Variants in CNTN1 observed in about 807,000 individuals in gnomAD.
CNTN1 encodes the protein contactin 1.
Under a neutral mutation model 126.4 loss-of-function variants are expected in CNTN1, and 38 were observed. That is an observed-to-expected ratio of 0.30 (90% CI 0.23 to 0.39). The LOEUF is 0.39. Among genes scored for constraint, CNTN1 ranks in the 10% least tolerant of loss-of-function variants. The probability of loss-of-function intolerance (pLI) is 1.00; values close to 1 mark genes in which losing one functional copy is unlikely to be tolerated. For missense variants in CNTN1, 1,009 were observed against 1,248.4 expected, an observed-to-expected ratio of 0.81 and a Z score of 2.89; for synonymous variants, 413 against 422.6, an observed-to-expected ratio of 0.98 and a Z score of 0.28.
At position 41,027,984 on chromosome 12, in the gene CNTN1, T is replaced by C. The variant is rs749642829; in HGVS notation, c.2823+15T>C. The C allele has an allele frequency of 2.0e-6, 3 of 1,483,414 alleles. No individual in the cohort carries two copies. The African/African-American group carries it at 4.2e-5, about 21-fold the overall frequency. 91.9% of individuals were successfully genotyped at this position (1,483,414 alleles called of 1,614,324 possible). On this transcript the variant is annotated intron_variant, in intron 22 of 23. Transcript: ENST00000551295. The stretch of plus-strand genomic sequence containing the variant: ...CGGGATATAAGGTATATACAAATAG[T>C]GATGATTAATGTTTGCAATTCTTGC...
chr12:40,745,826 G>T (rs551008839), intron 1 of CNTN1, among the ~76,000 whole-genome samples: 21 of 152,198 alleles, frequency 1.4e-4, no homozygotes, highest in Non-Finnish European at 2.9e-4. Context: ...TCTGTCATGT[G>T]ATGTTATGCC....
At chr12:41,046,017 A>C (rs949627637) in intron 23 of CNTN1, among the ~76,000 whole-genome samples, 3 of 152,138 alleles carry the variant, frequency 2.0e-5, no homozygotes, top group Non-Finnish European at 2.9e-5. Context: ...GGTGTGGCAG[A>C]GTACAGAGAC....
chr12:40,895,771 T>G (rs1156765797), intron 1 of CNTN1, among the ~76,000 whole-genome samples: 32 of 150,488 alleles, frequency 2.1e-4, no homozygotes, highest in Non-Finnish European at 1.6e-4. Flanking sequence ...TTTTTTTTTT[T>G]TTTTGAGACG....
intron 23 of CNTN1, among the ~76,000 whole-genome samples, chr12:41,063,555 A>G (rs1461479841): frequency 6.6e-6 from 1 of 152,202 alleles, no homozygotes; most frequent in African/African-American, 2.4e-5. Context: ...TCCTGGATCC[A>G]CACAGCCCTT....
At chr12:40,954,824 A>C (rs1946815186) in intron 14 of CNTN1, among the ~76,000 whole-genome samples, 1 of 152,162 alleles carries the variant, frequency 6.6e-6, no homozygotes, top group African/African-American at 2.4e-5. Context: ...CTCCCCGTGC[A>C]GTTAAAATGC....
At chr12:40,771,434 T>G (rs1473931325) in intron 1 of CNTN1, among the ~76,000 whole-genome samples, 3 of 152,106 alleles carry the variant, frequency 2.0e-5, no homozygotes, top group Non-Finnish European at 2.9e-5. Flanking sequence ...TTTATTTCTT[T>G]TATAATGTTG....
intron 20 of CNTN1, among the ~76,000 whole-genome samples, chr12:41,023,623 CA>C (rs1412313689): frequency 3.3e-5 from 5 of 152,092 alleles, no homozygotes; most frequent in African/African-American, 9.7e-5. Context: ...ATAATGAATG[CA>C]AAAACTTTAG....
intron 17 of CNTN1, among the ~76,000 whole-genome samples, chr12:41,011,558 T>C (rs1418824178): frequency 1.3e-5 from 2 of 152,244 alleles, no homozygotes; most frequent in Non-Finnish European, 1.5e-5. Flanking sequence ...TTAAATGTGC[T>C]GCCCATGGTT....
At chr12:40,828,370 G>A (rs942649920) in intron 1 of CNTN1, 1 of 152,170 alleles carries the variant, frequency 6.6e-6, no homozygotes, top group Non-Finnish European at 1.5e-5. Flanking sequence ...GGATAATGGT[G>A]ATGCGATATT....
chr12:40,987,537 G>A (rs1031112359), intron 16 of CNTN1, among the ~76,000 whole-genome samples: 11 of 152,042 alleles, frequency 7.2e-5, no homozygotes, highest in Admixed American at 7.2e-4. Context: ...AGAAGATGTT[G>A]GCCAGAACAT....
intron 1 of CNTN1, among the ~76,000 whole-genome samples, chr12:40,697,992 G>A (rs1283910543): frequency 3.3e-5 from 5 of 152,168 alleles, no homozygotes; most frequent in Admixed American, 6.5e-5. Flanking sequence ...CCTTAACTCA[G>A]TAGATAATTT....
At chr12:40,809,224 G>C (rs764034989) in intron 1 of CNTN1, among the ~76,000 whole-genome samples, 1 of 152,046 alleles carries the variant, frequency 6.6e-6, no homozygotes, top group Non-Finnish European at 1.5e-5. Flanking sequence ...TAATTTCATA[G>C]GACAGATGTC....
intron 1 of CNTN1, among the ~76,000 whole-genome samples, chr12:40,710,595 AG>A: frequency 6.6e-6 from 1 of 152,296 alleles, no homozygotes; most frequent in East Asian, 1.9e-4. Flanking sequence ...AATAAAGTGA[AG>A]TCCAATAAAA....
At chr12:40,899,833 T>G (rs1190856793) in intron 1 of CNTN1, among the ~76,000 whole-genome samples, 1 of 152,198 alleles carries the variant, frequency 6.6e-6, no homozygotes, top group African/African-American at 2.4e-5. Flanking sequence ...GGACCACAGT[T>G]TGGGAAACAC....
Position 40,862,208 on chromosome 12 carries a change from T to TACACACACACACAC in CNTN1, c.-76-46134_-76-46121dup, listed in dbSNP as rs145686900. On this transcript the variant is annotated intron_variant, in intron 1 of 23. Transcript: ENST00000551295. ...GACAGAGTGAGACCTTGTCTCTTAA[T>TACACACACACACAC]ACACACACACACACACACACACACA... Among the ~76,000 whole-genome samples, 553 of 147,348 alleles carry TACACACACACACAC rather than the reference T, an allele frequency of 3.8e-3. 6 individuals are homozygous for TACACACACACACAC. Among genetic ancestry groups the TACACACACACACAC allele is most frequent in the Middle Eastern group, 0.014 (4 of 290 alleles).
At chr12:40,701,029 C>A (rs1300201805) in intron 1 of CNTN1, among the ~76,000 whole-genome samples, 4 of 152,136 alleles carry the variant, frequency 2.6e-5, no homozygotes, top group Non-Finnish European at 5.9e-5. Flanking sequence ...ACTCTGAAGT[C>A]CAAGTTTTTA....
At chr12:41,069,938 C>T (rs1950128873) in intron 23 of CNTN1, 21 bp from the exon 24 acceptor site, 3 of 1,600,024 alleles carry the variant, frequency 1.9e-6, no homozygotes, top group Non-Finnish European at 2.6e-6. Flanking sequence ...ATAATATGCA[C>T]ACTTTTGGTT....
intron 17 of CNTN1, among the ~76,000 whole-genome samples, chr12:41,006,523 C>T (rs1010485503): frequency 6.6e-6 from 1 of 152,184 alleles, no homozygotes; most frequent in African/African-American, 2.4e-5. Context: ...GTGTGATCCA[C>T]CATATAGTTC....
At chr12:40,974,728 C>A (rs1461730828) in intron 15 of CNTN1, among the ~76,000 whole-genome samples, 2 of 152,030 alleles carry the variant, frequency 1.3e-5, no homozygotes, top group African/African-American at 4.8e-5. Context: ...TTTTATTTAA[C>A]CTATTCCTGT....
Sources: allele counts gnomAD v4.1 joint callset (sites outside exome capture counted in the v4.1 genomes callset), GRCh38; gene constraint gnomAD v4.1.1; transcripts MANE v1.5; gene names NCBI Gene and HGNC (gene_info 2026-07-23, HGNC 2026-07-21).